NXPE2: variants seen among roughly 807,000 people sequenced by gnomAD.
NXPE2 encodes neurexophilin and PC-esterase domain family member 2.
Under a neutral mutation model 34.4 loss-of-function variants are expected in NXPE2, and 34 were observed. The ratio of observed to expected loss-of-function variants is 0.99; its 90% CI spans 0.75 to 1.31. The LOEUF (loss-of-function observed/expected upper bound fraction) is 1.31, where lower values mean the gene tolerates loss of function less well. Among genes scored for constraint, NXPE2 ranks in the 40% most tolerant of loss-of-function variants. The pLI, the probability that NXPE2 is intolerant of heterozygous loss-of-function variation, is 0.00. For synonymous variants in NXPE2, 235 were observed against 231.3 expected (o/e 1.02, Z -0.15); for missense variants, 649 against 672.5 (o/e 0.97, Z 0.39).
chr11:114,658,731 C>T, the NXPE2 span, among the ~76,000 whole-genome samples: 2 of 152,124 alleles, frequency 1.3e-5, no homozygotes, highest in African/African-American at 4.8e-5. Flanking sequence ...TGGGCCCAGA[C>T]CATTAGAGAT....
chr11:114,706,412 C>A lies in NXPE2; in HGVS notation c.1162C>A (p.His388Asn). 6.5e-7 allele frequency: 1 copy of A among 1,531,978 alleles called. No homozygotes were observed. Among genetic ancestry groups the A allele is most frequent in the South Asian group, 1.2e-5 (1 of 81,224 alleles). The allele number at this position is 1,531,978 out of a possible 1,614,324, so 94.9% of individuals were successfully genotyped here. A position where few individuals can be genotyped will look rare whatever the true frequency, so the allele number is the denominator to read the frequency against. Residue 388 changes from histidine (H) to asparagine (N), a missense_variant, in exon 6 of 6, where the codon CAT becomes AAT. Coordinates refer to ENST00000389586, the MANE Select transcript of NXPE2 (RefSeq NM_182495.6). The stretch of plus-strand genomic sequence containing the variant: ...TTCATCAGCCCTAAAATATTTTGAT[C>A]ATCATGGAGCTGGGATCTTTAAAAC... ...KAVKTLKYFD[H>N]HGAGIFKTHV...
intron 1 of NXPE2, 72 bp downstream of exon 1, chr11:114,678,673 T>G (rs1229797906): frequency 3.2e-6 from 4 of 1,238,796 alleles, no homozygotes; most frequent in Non-Finnish European, 4.6e-6. Flanking sequence ...GACCATTTGG[T>G]GTTTTTCAAA....
At chr11:114,776,402 G>A in the NXPE2 span, among the ~76,000 whole-genome samples, 2 of 152,274 alleles carry the variant, frequency 1.3e-5, no homozygotes, top group Non-Finnish European at 2.9e-5. Context: ...ATAACAGACG[G>A]CCTTGCCTTG....
the NXPE2 span, among the ~76,000 whole-genome samples, chr11:114,741,276 T>G: frequency 6.6e-6 from 1 of 152,212 alleles, no homozygotes; most frequent in East Asian, 1.9e-4. Flanking sequence ...TTTTGACAGT[T>G]TGATTACAAT....
At chr11:114,583,529 A>C in the NXPE2 span, 1 of 610,132 alleles carries the variant, frequency 1.6e-6, no homozygotes, top group Non-Finnish European at 3.2e-6. Context: ...GCGGATGCAG[A>C]GATTCAACGT....
chr11:114,585,645 C>G, the NXPE2 span, among the ~76,000 whole-genome samples: 5 of 151,362 alleles, frequency 3.3e-5, no homozygotes, highest in Non-Finnish European at 7.4e-5. Flanking sequence ...TTTAGAACAC[C>G]TAAATATATA....
chr11:114,714,931 A>C, the NXPE2 span, among the ~76,000 whole-genome samples: 1 of 152,138 alleles, frequency 6.6e-6, no homozygotes, highest in Non-Finnish European at 1.5e-5. Context: ...CTGAGGCAGA[A>C]GAATTGCTTA....
the NXPE2 span, among the ~76,000 whole-genome samples, chr11:114,774,590 A>G: frequency 1.3e-5 from 2 of 152,186 alleles, no homozygotes; most frequent in Admixed American, 6.5e-5. Flanking sequence ...AACTGGCTGG[A>G]GGCTCATTTT....
the NXPE2 span, among the ~76,000 whole-genome samples, chr11:114,663,649 T>TATCTATCC: frequency 2.1e-5 from 3 of 140,458 alleles, no homozygotes; most frequent in East Asian, 2.1e-4. Flanking sequence ...TCTATCCATC[T>TATCTATCC]ATCATCTATT....
chr11:114,534,234 A>C, the NXPE2 span, among the ~76,000 whole-genome samples: 1 of 152,230 alleles, frequency 6.6e-6, no homozygotes, highest in Non-Finnish European at 1.5e-5. Context: ...TCTGACTGTT[A>C]GAAGGAAAAC....
the NXPE2 span, among the ~76,000 whole-genome samples, chr11:114,744,504 G>A: frequency 6.6e-6 from 1 of 152,052 alleles, no homozygotes; most frequent in Non-Finnish European, 1.5e-5. Flanking sequence ...ATCTCTTTAT[G>A]TATTTTATAT....
the NXPE2 span, among the ~76,000 whole-genome samples, chr11:114,812,691 G>A: frequency 6.5e-3 from 995 of 152,260 alleles, 7 homozygotes; most frequent in African/African-American, 0.023. Context: ...TAGAGATGGT[G>A]GCCCTTCTGC....
chr11:114,760,754 G>A, the NXPE2 span, among the ~76,000 whole-genome samples: 1 of 152,040 alleles, frequency 6.6e-6, no homozygotes, highest in African/African-American at 2.4e-5. Context: ...TAATAATCAA[G>A]ACCATTTTAA....
chr11:114,713,305 G>A, the NXPE2 span, among the ~76,000 whole-genome samples: 7 of 152,244 alleles, frequency 4.6e-5, no homozygotes, highest in Middle Eastern at 3.4e-3. Flanking sequence ...ATGTTGTTTT[G>A]TTACCACAGT....
the NXPE2 span, among the ~76,000 whole-genome samples, chr11:114,555,036 A>G: frequency 6.7e-6 from 1 of 149,424 alleles, no homozygotes. Context: ...GCATCTTGGG[A>G]GTCCTTTTTT....
At chr11:114,602,552 T>C in the NXPE2 span, among the ~76,000 whole-genome samples, 1 of 139,196 alleles carries the variant, frequency 7.2e-6, no homozygotes, top group African/African-American at 2.6e-5. Flanking sequence ...ATACAAATTA[T>C]AGATTATATC....
chr11:114,543,221 TGGCGGGC>T, the NXPE2 span, among the ~76,000 whole-genome samples: 1 of 152,068 alleles, frequency 6.6e-6, no homozygotes, highest in Non-Finnish European at 1.5e-5. Context: ...TTGGGCATGG[TGGCGGGC>T]AGCTGTAATC....
chr11:114,580,217 C>G, the NXPE2 span: 1 of 1,614,034 alleles, frequency 6.2e-7, no homozygotes, highest in Non-Finnish European at 8.5e-7. Flanking sequence ...TCAGGCATTC[C>G]TTCATTTTGA....
At chr11:114,593,617 G>T in the NXPE2 span, among the ~76,000 whole-genome samples, 2 of 152,046 alleles carry the variant, frequency 1.3e-5, no homozygotes, top group Non-Finnish European at 2.9e-5. Flanking sequence ...CAGTTTGGAG[G>T]TTTCTCAAAA....
Sources: gnomAD v4.1 joint callset for allele counts (sites outside exome capture counted in the v4.1 genomes callset) on GRCh38, gnomAD v4.1.1 for gene constraint, MANE v1.5 for transcripts, NCBI Gene and HGNC (gene_info 2026-07-23, HGNC 2026-07-21) for gene names.